ENTREP2: variants seen among roughly 807,000 people sequenced by gnomAD.
The protein encoded by ENTREP2 is endosomal transmembrane epsin interactor 2.
the ENTREP2 span, among the ~76,000 whole-genome samples, chr15:29,232,492 G>T: frequency 2.0e-3 from 298 of 150,966 alleles, no homozygotes; most frequent in African/African-American, 6.9e-3. Context: ...GAGATGGGGG[G>T]TCTCATTTTT....
the ENTREP2 span, among the ~76,000 whole-genome samples, chr15:29,303,333 G>A: frequency 2.0e-5 from 3 of 152,196 alleles, no homozygotes; most frequent in Non-Finnish European, 4.4e-5. Context: ...CTTAGTTGAT[G>A]TAGTCAGCTG....
At chr15:29,346,009 G>C in the ENTREP2 span, among the ~76,000 whole-genome samples, 1 of 152,158 alleles carries the variant, frequency 6.6e-6, no homozygotes. Context: ...AGAGGAAACT[G>C]GGGCACAGAG....
the ENTREP2 span, among the ~76,000 whole-genome samples, chr15:29,551,508 T>C: frequency 1.3e-5 from 2 of 152,270 alleles, no homozygotes; most frequent in South Asian, 2.1e-4. Flanking sequence ...TGCCTGGAGC[T>C]ATATACAAAA....
the ENTREP2 span, among the ~76,000 whole-genome samples, chr15:29,402,251 A>AATATATATATATATATATATAT: frequency 2.1e-3 from 238 of 111,844 alleles, 1 homozygote; most frequent in Admixed American, 9.2e-3. Flanking sequence ...ATTATAGAAG[A>AATATATATATATATATATATAT]ATATATATAT....
At chr15:29,260,724 A>G in the ENTREP2 span, among the ~76,000 whole-genome samples, 23 of 149,820 alleles carry the variant, frequency 1.5e-4, no homozygotes, top group African/African-American at 5.4e-4. Context: ...CACATATTGA[A>G]TCTTGTACCT....
At chr15:29,497,208 G>A in the ENTREP2 span, among the ~76,000 whole-genome samples, 6 of 152,164 alleles carry the variant, frequency 3.9e-5, no homozygotes, top group South Asian at 2.1e-4. Flanking sequence ...GGACTTCCCC[G>A]TCTCCAAAAC....
the ENTREP2 span, chr15:29,266,066 A>C: frequency 6.6e-6 from 1 of 152,224 alleles, no homozygotes; most frequent in African/African-American, 2.4e-5. Flanking sequence ...TATTTGCACT[A>C]GATAGATAGA....
At chr15:29,231,127 T>C in the ENTREP2 span, among the ~76,000 whole-genome samples, 4 of 152,174 alleles carry the variant, frequency 2.6e-5, no homozygotes, top group East Asian at 1.9e-4. Flanking sequence ...CAAAAAGGTA[T>C]GTAAAAACTC....
the ENTREP2 span, among the ~76,000 whole-genome samples, chr15:29,296,012 G>A: frequency 6.6e-6 from 1 of 152,114 alleles, no homozygotes; most frequent in East Asian, 1.9e-4. Context: ...TCACGTGAAG[G>A]CCTCAAGGGA....
chr15:29,587,171 G>GTGTGTGTGTGTGTGTGTGTGTGTA, the ENTREP2 span, among the ~76,000 whole-genome samples: 23 of 147,130 alleles, frequency 1.6e-4, no homozygotes, highest in African/African-American at 5.7e-4. Context: ...GTGTGTGTGT[G>GTGTGTGTGTGTGTGTGTGTGTGTA]TGTGTGTGTG....
the ENTREP2 span, among the ~76,000 whole-genome samples, chr15:29,172,394 G>T: frequency 6.6e-6 from 1 of 152,188 alleles, no homozygotes; most frequent in East Asian, 1.9e-4. Flanking sequence ...ATGGTTGGAA[G>T]TGTCAGACAG....
chr15:29,301,326 T>C, the ENTREP2 span, among the ~76,000 whole-genome samples: 4 of 152,246 alleles, frequency 2.6e-5, no homozygotes, highest in Non-Finnish European at 5.9e-5. Context: ...TTTTGTCACA[T>C]AAGGATTAGA....
chr15:29,653,530 A>T, the ENTREP2 span, among the ~76,000 whole-genome samples: 3 of 152,156 alleles, frequency 2.0e-5, no homozygotes, highest in African/African-American at 4.8e-5. Flanking sequence ...TTCTCATCAT[A>T]GTGAGTGAGA....
the ENTREP2 span, among the ~76,000 whole-genome samples, chr15:29,239,503 G>A: frequency 6.6e-6 from 1 of 152,104 alleles, no homozygotes; most frequent in Non-Finnish European, 1.5e-5. Flanking sequence ...TTTAATTTGG[G>A]GGGGACATAG....
At chr15:29,627,000 CTCTT>C in the ENTREP2 span, among the ~76,000 whole-genome samples, 1 of 152,220 alleles carries the variant, frequency 6.6e-6, no homozygotes, top group East Asian at 1.9e-4. Context: ...TTCTGCTCTT[CTCTT>C]TGTTATTTTT....
the ENTREP2 span, among the ~76,000 whole-genome samples, chr15:29,223,625 G>A: frequency 6.6e-6 from 1 of 152,050 alleles, no homozygotes; most frequent in African/African-American, 2.4e-5. Flanking sequence ...TTTTCCCACT[G>A]GAGACCACAC....
chr15:29,301,405 G>C, the ENTREP2 span, among the ~76,000 whole-genome samples: 1 of 152,198 alleles, frequency 6.6e-6, no homozygotes, highest in Non-Finnish European at 1.5e-5. Flanking sequence ...AGAGTTTTCA[G>C]TAACAAAAAT....
At chr15:29,433,778 T>TG in the ENTREP2 span, among the ~76,000 whole-genome samples, 1 of 11,310 alleles carries the variant, frequency 8.8e-5, no homozygotes, top group Non-Finnish European at 1.8e-4. Context: ...GACTCCTCCA[T>TG]GGGAAAAAAA....
At chr15:29,587,152 TGTGTGTGTGTG>T in the ENTREP2 span, among the ~76,000 whole-genome samples, 2 of 121,360 alleles carry the variant, frequency 1.6e-5, no homozygotes, top group African/African-American at 5.9e-5. Flanking sequence ...TGTGTGTGTG[TGTGTGTGTGTG>T]TGTGTGTGTG....
Sources: gnomAD v4.1 joint callset for allele counts (sites outside exome capture counted in the v4.1 genomes callset) on GRCh38, gnomAD v4.1.1 for gene constraint, MANE v1.5 for transcripts, NCBI Gene and HGNC (gene_info 2026-07-23, HGNC 2026-07-21) for gene names.